DACH2: variants seen among roughly 807,000 people sequenced by gnomAD.
DACH2 encodes the protein dachshund homolog 2.
Under a neutral mutation model 35.8 loss-of-function variants are expected in DACH2, and 17 were observed. That is an observed-to-expected ratio of 0.48 (90% confidence interval 0.33 to 0.71). The LOEUF (loss-of-function observed/expected upper bound fraction) is 0.71. Ranked by LOEUF, DACH2 falls within the 30% of genes least tolerant of loss-of-function variation. The pLI, the probability that DACH2 is intolerant of heterozygous loss-of-function variation, is 0.02. For missense variants in DACH2, 469 were observed against 472.7 expected, an observed-to-expected ratio of 0.99 and a Z score of 0.07; for synonymous variants, 195 against 177.3, an observed-to-expected ratio of 1.10 and a Z score of -0.79.
intron 1 of DACH2, among the ~76,000 whole-genome samples, chrX:86,300,038 G>T: frequency 9.0e-6 from 1 of 111,096 alleles, no homozygotes; most frequent in East Asian, 2.8e-4. Flanking sequence ...TATGTGTTGG[G>T]AACATTTCAA....
At chrX:86,718,582 G>A (rs993578657) in intron 6 of DACH2, among the ~76,000 whole-genome samples, 2 of 111,410 alleles carry the variant, frequency 1.8e-5, no homozygotes, top group African/African-American at 3.3e-5. Context: ...TTTTCCTTAG[G>A]TATTTTTATA....
Position 86,695,007 on chromosome X carries a change from T to C in DACH2, c.773-14T>C. ...GTTGTCAAGTTGAAATATGTTTATA[T>C]GAATATTTTTCAGGTGGAAGTGAAT... On this transcript the variant is annotated splice_polypyrimidine_tract_variant and intron_variant, in intron 4 of 11. Transcript: ENST00000373125. The C allele has an allele frequency of 9.7e-7, 1 of 1,030,266 alleles. No individual in the cohort carries two copies. Among genetic ancestry groups the C allele is most frequent in the Middle Eastern group, 3.0e-4 (1 of 3,348 alleles). The allele number at this position is 1,030,266 out of a possible 1,213,427, so 84.9% of individuals were successfully genotyped here.
intron 3 of DACH2, among the ~76,000 whole-genome samples, chrX:86,571,934 G>T (rs1355256741): frequency 9.0e-6 from 1 of 110,840 alleles, no homozygotes; most frequent in African/African-American, 3.3e-5. Flanking sequence ...ATAAAGGAAT[G>T]CTTTATGATT....
At chrX:86,419,335 A>G (rs767785827) in intron 2 of DACH2, among the ~76,000 whole-genome samples, 3 of 112,114 alleles carry the variant, frequency 2.7e-5, no homozygotes, top group Non-Finnish European at 3.8e-5. Context: ...ATATTTGCAA[A>G]AGAAAGAGGT....
In DACH2 at chrX:86,753,663, C is replaced by T. The variant is rs374467257; in HGVS notation, c.1240+13781C>T. 1.6e-4 allele frequency among the ~76,000 whole-genome samples: 18 copies of T among 111,349 alleles called. No individual in the cohort carries two copies. The East Asian group carries it at 3.7e-3, about 23-fold the overall frequency. ...CTTCTGTACCCTACATTATTTCAGGCGTTGAGAATGTAATGATGAGAGATA... is the reference window on the plus strand; with the variant it reads ...CTTCTGTACCCTACATTATTTCAGGTGTTGAGAATGTAATGATGAGAGATA... On this transcript the variant is annotated intron_variant, in intron 7 of 11. Coordinates refer to ENST00000373125, the MANE Select transcript of DACH2 (RefSeq NM_053281.3).
chrX:86,275,915 C>G (rs2033908091), intron 1 of DACH2, among the ~76,000 whole-genome samples: 1 of 112,209 alleles, frequency 8.9e-6, no homozygotes, highest in African/African-American at 3.2e-5. Context: ...GAATACTATT[C>G]CATTATGTAT....
intron 2 of DACH2, among the ~76,000 whole-genome samples, chrX:86,502,173 C>T (rs991105306): frequency 4.5e-5 from 5 of 111,372 alleles, no homozygotes; most frequent in African/African-American, 1.6e-4. Context: ...GTAGCTATAT[C>T]TTACTTAATT....
chrX:86,162,600 GA>G (rs762083478), intron 1 of DACH2, among the ~76,000 whole-genome samples: 15 of 110,088 alleles, frequency 1.4e-4, no homozygotes, highest in African/African-American at 3.9e-4. Flanking sequence ...TGAATAAAAA[GA>G]AAAAAAACTG....
At chrX:86,366,304 A>G (rs754942898) in intron 1 of DACH2, among the ~76,000 whole-genome samples, 2 of 110,970 alleles carry the variant, frequency 1.8e-5, no homozygotes, top group Non-Finnish European at 3.8e-5. Context: ...TCTAAGGAGG[A>G]TGAAGTGGGA....
chrX:86,578,436 A>G (rs2039462137), intron 3 of DACH2, among the ~76,000 whole-genome samples: 1 of 111,562 alleles, frequency 9.0e-6, no homozygotes, highest in African/African-American at 3.3e-5. Flanking sequence ...ATTTGTCACT[A>G]AAATCCATTA....
chrX:86,708,028 G>T (rs745604463), intron 5 of DACH2, among the ~76,000 whole-genome samples: 2 of 107,472 alleles, frequency 1.9e-5, no homozygotes, highest in South Asian at 4.0e-4. Flanking sequence ...GTAGGCTAGA[G>T]AATAAAAATA....
intron 2 of DACH2, among the ~76,000 whole-genome samples, chrX:86,399,525 G>T (rs953040865): frequency 8.9e-6 from 1 of 111,826 alleles, no homozygotes; most frequent in South Asian, 3.7e-4. Context: ...GGTACCAGTT[G>T]TTCCTTTCCA....
chrX:86,415,323 G>A lies in DACH2; in HGVS notation c.527+38461G>A, dbSNP rs1169194667. 3.6e-5 allele frequency among the ~76,000 whole-genome samples: 4 copies of A among 111,869 alleles called. No individual in the cohort carries two copies. In the East Asian group the frequency reaches 1.1e-3, roughly 31 times the overall value. ...GTCAAAGTTACGCAGTTCCTTCATT[G>A]TTTTTGTGGTGTGCATCAGTCACTG... On this transcript the variant is annotated intron_variant, in intron 2 of 11. Transcript: ENST00000373125.
At position 86,429,213 on chromosome X, in the gene DACH2, T is replaced by C. The variant is rs187681287; in HGVS notation, c.527+52351T>C. Reference sequence around the variant, plus strand: ...CAGAGGAGACATTTATATTCTTTTCTGAGAAAAAAAAAAATTGGAATCTTA... The same window carrying C: ...CAGAGGAGACATTTATATTCTTTTCCGAGAAAAAAAAAAATTGGAATCTTA... On this transcript the variant is annotated intron_variant, in intron 2 of 11. Transcript: ENST00000373125. 2.5e-4 allele frequency among the ~76,000 whole-genome samples: 27 copies of C among 110,153 alleles called. No individual in the cohort carries two copies. In the East Asian group the frequency reaches 3.1e-3, roughly 13 times the overall value.
intron 3 of DACH2, among the ~76,000 whole-genome samples, chrX:86,626,743 A>G (rs150691827): frequency 9.0e-4 from 102 of 112,905 alleles, no homozygotes; most frequent in African/African-American, 3.2e-3. Flanking sequence ...TTCTGAAGCA[A>G]CAGCCTGAGC....
intron 4 of DACH2, among the ~76,000 whole-genome samples, chrX:86,694,187 A>G (rs183230403): frequency 5.7e-4 from 64 of 111,624 alleles, no homozygotes; most frequent in Admixed American, 2.4e-3. Flanking sequence ...AAGCAAATAG[A>G]TGAAGCTGCC....
intron 1 of DACH2, among the ~76,000 whole-genome samples, chrX:86,254,242 T>TC (rs1468065128): frequency 8.9e-6 from 1 of 111,902 alleles, no homozygotes; most frequent in Admixed American, 9.5e-5. Context: ...GTATTAAAGA[T>TC]CATCCTACAG....
At chrX:86,267,867 T>C (rs1201153829) in intron 1 of DACH2, among the ~76,000 whole-genome samples, 1 of 112,204 alleles carries the variant, frequency 8.9e-6, no homozygotes, top group African/African-American at 3.2e-5. Flanking sequence ...AATCTCACTA[T>C]ACATTGGCTG....
chrX:86,688,166 T>C (rs2040970137), intron 4 of DACH2, among the ~76,000 whole-genome samples: 1 of 112,426 alleles, frequency 8.9e-6, no homozygotes. Flanking sequence ...AAGGTTTGTA[T>C]ATAAACATTC....
Sources: allele counts gnomAD v4.1 joint callset (sites outside exome capture counted in the v4.1 genomes callset), GRCh38; gene constraint gnomAD v4.1.1; transcripts MANE v1.5; gene names NCBI Gene and HGNC (gene_info 2026-07-23, HGNC 2026-07-21).